Variants in PAH observed in about 807,000 individuals in gnomAD.
PAH encodes phenylalanine hydroxylase.
In PAH, 64 loss-of-function variants were observed where a neutral mutation model predicts 62.0. The ratio of observed to expected loss-of-function variants is 1.03; its 90% CI spans 0.84 to 1.27. The LOEUF (loss-of-function observed/expected upper bound fraction) is 1.27, where lower values mean the gene tolerates loss of function less well. Ranked by LOEUF, PAH falls within the 50% of genes most tolerant of loss-of-function variation. The pLI, the probability that PAH is intolerant of heterozygous loss-of-function variation, is 0.00. For synonymous variants in PAH, 195 were observed against 196.2 expected (o/e 0.99, Z 0.05); for missense variants, 579 against 542.8 (o/e 1.07, Z -0.66).
At position 102,840,508 on chromosome 12, in the gene PAH, C is replaced by A; in HGVS notation, c.1207G>T (p.Ala403Ser). The change falls in exon 12 of 13, where the codon GCT becomes TCT. Residue 403 changes from alanine (A) to serine (S), a missense_variant. Transcript: ENST00000553106. ...NDAKEKVRNF[A>S]ATIPRPFSVR... is the part of the protein sequence containing the mutation. ...GAGAAGGGCCGAGGTATTGTGGCAG[C>A]AAAGTTCCTAAGACCAAAACCACAG... 6.2e-7 allele frequency: 1 copy of A among 1,612,920 alleles called. No homozygotes were observed.
At chr12:102,871,325 T>A (rs181016883) in intron 4 of PAH, among the ~76,000 whole-genome samples, 243 of 152,310 alleles carry the variant, frequency 1.6e-3, no homozygotes, top group Non-Finnish European at 2.9e-3. Context: ...CAGAGTGCAC[T>A]GGTCTTGCTT....
At chr12:102,933,589 C>A (rs1324466513) in intron 1 of PAH, among the ~76,000 whole-genome samples, 3 of 151,920 alleles carry the variant, frequency 2.0e-5, no homozygotes, top group Admixed American at 1.3e-4. Flanking sequence ...ACATTCTCAC[C>A]AACAGCATAC....
chr12:102,914,903 T>C (rs1449156263), intron 1 of PAH, among the ~76,000 whole-genome samples: 1 of 152,180 alleles, frequency 6.6e-6, no homozygotes, highest in East Asian at 1.9e-4. Context: ...ATCAGGTCCT[T>C]TCTTCCCACT....
chr12:102,876,937 G>C (rs1219137712), intron 4 of PAH, among the ~76,000 whole-genome samples: 3 of 151,996 alleles, frequency 2.0e-5, no homozygotes, highest in Admixed American at 2.0e-4. Context: ...GCACCAACCA[G>C]TCATTCCCAC....
chr12:102,898,655 C>A (rs942693427), intron 2 of PAH, among the ~76,000 whole-genome samples: 2 of 152,080 alleles, frequency 1.3e-5, no homozygotes, highest in Non-Finnish European at 2.9e-5. Context: ...TCCCAACAAT[C>A]CTTTGAAAAG....
chr12:102,845,108 T>C (rs1190523633), intron 9 of PAH, among the ~76,000 whole-genome samples: 3 of 152,160 alleles, frequency 2.0e-5, no homozygotes, highest in Non-Finnish European at 4.4e-5. Flanking sequence ...ATGGACAGGA[T>C]TGCCCAGGTA....
chr12:102,936,692 C>T (rs1283119465), intron 1 of PAH, among the ~76,000 whole-genome samples: 2 of 152,118 alleles, frequency 1.3e-5, no homozygotes, highest in African/African-American at 4.8e-5. Context: ...CTAAATGTAG[C>T]TACTCCTTCT....
chr12:102,868,930 G>A (rs1876185621), intron 4 of PAH, among the ~76,000 whole-genome samples: 1 of 152,146 alleles, frequency 6.6e-6, no homozygotes, highest in Non-Finnish European at 1.5e-5. Flanking sequence ...GACCCTGTAA[G>A]GCACCTTGTA....
intron 2 of PAH, among the ~76,000 whole-genome samples, chr12:102,907,560 G>C (rs1274798199): frequency 6.6e-6 from 1 of 151,970 alleles, no homozygotes; most frequent in Non-Finnish European, 1.5e-5. Context: ...ACAAATACTA[G>C]AATTTGATTC....
At chr12:102,904,785 A>T (rs776884867) in intron 2 of PAH, 16 of 506,172 alleles carry the variant, frequency 3.2e-5, no homozygotes, top group Middle Eastern at 3.2e-4. Context: ...ATTCACAAAG[A>T]TGTTGGGAGA....
At chr12:102,927,484 A>G (rs148121844) in intron 1 of PAH, among the ~76,000 whole-genome samples, 17 of 147,526 alleles carry the variant, frequency 1.2e-4, no homozygotes, top group African/African-American at 4.6e-4. Context: ...AGGACTAAGC[A>G]TGGTGCCTGA....
chr12:102,940,598 T>C (rs1472037931), intron 1 of PAH, among the ~76,000 whole-genome samples: 1 of 152,226 alleles, frequency 6.6e-6, no homozygotes, highest in Non-Finnish European at 1.5e-5. Context: ...GTTCTTTGAA[T>C]TAGTTCAGTG....
At chr12:102,927,058 A>T (rs1878702351) in intron 1 of PAH, among the ~76,000 whole-genome samples, 1 of 152,130 alleles carries the variant, frequency 6.6e-6, no homozygotes, top group Non-Finnish European at 1.5e-5. Flanking sequence ...CTGATGGCTC[A>T]GAGGACAGAG....
intron 5 of PAH, among the ~76,000 whole-genome samples, chr12:102,856,522 T>C (rs145653769): frequency 0.012 from 1,826 of 152,288 alleles, 44 homozygotes; most frequent in Admixed American, 0.067. Context: ...TCTGAGAACG[T>C]ACAGACTGCC....
chr12:102,855,418 C>A, intron 5 of PAH, 86 bp from the exon 6 acceptor site: 1 of 1,025,638 alleles, frequency 9.8e-7, no homozygotes, highest in Non-Finnish European at 1.5e-6. Flanking sequence ...AGTCGGGGAC[C>A]AGAACCTGTG....
rs1332532824 is a variant in PAH at position 102,868,037 on chromosome 12, CACCTATATAT to C, written c.442-1384_442-1375del. 6.6e-5 allele frequency among the ~76,000 whole-genome samples: 8 copies of C among 121,734 alleles called. 2 individuals carry two copies. The highest frequency in any genetic ancestry group is 1.8e-4 in the African/African-American group (6 of 33,534). The allele number at this position is 121,734 out of a possible 152,430, so 79.9% of individuals were successfully genotyped here. ...ATATATACATATATACATGTATATA[CACCTATATAT>C]ATGTATATATATACACATATATATA... is the stretch of plus-strand genomic sequence containing the variant. On this transcript the variant is annotated intron_variant, in intron 4 of 12. Transcript: ENST00000553106.
At chr12:102,930,881 T>C (rs1878843960) in intron 1 of PAH, among the ~76,000 whole-genome samples, 1 of 152,226 alleles carries the variant, frequency 6.6e-6, no homozygotes, top group Non-Finnish European at 1.5e-5. Context: ...CAACTACACA[T>C]TTCAGTATAT....
At chr12:102,874,659 AAAG>A (rs760881335) in intron 4 of PAH, among the ~76,000 whole-genome samples, 20 of 152,228 alleles carry the variant, frequency 1.3e-4, no homozygotes, top group Non-Finnish European at 2.6e-4. Flanking sequence ...TTTTGGAAAA[AAAG>A]AAAGCAAGGT....
chr12:102,917,841 C>G (rs1038405658), upstream of PAH, among the ~76,000 whole-genome samples: 1 of 152,176 alleles, frequency 6.6e-6, no homozygotes, highest in Admixed American at 6.5e-5. Context: ...GGTAGAGCCA[C>G]CTTGCTGGAA....
Sources: allele counts gnomAD v4.1 joint callset (sites outside exome capture counted in the v4.1 genomes callset), GRCh38; gene constraint gnomAD v4.1.1; transcripts MANE v1.5; gene names NCBI Gene and HGNC (gene_info 2026-07-23, HGNC 2026-07-21).